Variants in ADGRL3 observed in about 807,000 individuals in gnomAD.
The protein encoded by ADGRL3 is calcium-independent alpha-latrotoxin receptor 3.
In ADGRL3, 62 loss-of-function variants were observed where a neutral mutation model predicts 153.5. The ratio of observed to expected loss-of-function variants is 0.40; its 90% CI spans 0.33 to 0.50. The LOEUF is 0.50. ADGRL3 is among the 20% of genes least tolerant of loss of function. The pLI is 0.47. For synonymous variants in ADGRL3, 710 were observed against 672.5 expected, an observed-to-expected ratio of 1.06 and a Z score of -0.86; for missense variants, 1,641 against 1,859.4, an observed-to-expected ratio of 0.88 and a Z score of 2.16.
intron 1 of ADGRL3, chr4:61,212,342 A>T (rs1740465576): frequency 6.6e-6 from 1 of 152,212 alleles, no homozygotes; most frequent in African/African-American, 2.4e-5. Context: ...TTCTGATGAG[A>T]ATATATGTTT....
intron 8 of ADGRL3, among the ~76,000 whole-genome samples, chr4:61,812,443 G>C (rs2097640403): frequency 6.6e-6 from 1 of 152,162 alleles, no homozygotes; most frequent in East Asian, 1.9e-4. Flanking sequence ...AAATGGGAAA[G>C]TTACTCCAAC....
intron 9 of ADGRL3, among the ~76,000 whole-genome samples, chr4:61,827,543 T>C (rs2097821908): frequency 6.6e-6 from 1 of 152,184 alleles, no homozygotes; most frequent in Non-Finnish European, 1.5e-5. Context: ...TTAGTTTGCA[T>C]AGAAATATTG....
chr4:61,359,110 A>G (rs2096243262), intron 1 of ADGRL3, among the ~76,000 whole-genome samples: 1 of 152,218 alleles, frequency 6.6e-6, no homozygotes, highest in Admixed American at 6.5e-5. Flanking sequence ...TATAGGATCC[A>G]TAAGCAAATC....
intron 2 of ADGRL3, among the ~76,000 whole-genome samples, chr4:61,456,446 T>G (rs1248811097): frequency 2.1e-4 from 25 of 119,332 alleles, no homozygotes; most frequent in African/African-American, 6.5e-4. Context: ...TATAGATATA[T>G]CTATATCTAT....
At chr4:61,272,964 G>T (rs1043731614) in intron 1 of ADGRL3, among the ~76,000 whole-genome samples, 2 of 152,086 alleles carry the variant, frequency 1.3e-5, no homozygotes, top group African/African-American at 4.8e-5. Flanking sequence ...GTTTGCCTCA[G>T]TCATGCTAGC....
chr4:61,874,552 G>A (rs2098463016), intron 9 of ADGRL3, among the ~76,000 whole-genome samples: 1 of 151,566 alleles, frequency 6.6e-6, no homozygotes, highest in Admixed American at 6.6e-5. Context: ...TCTAGAGCCT[G>A]TCTGCCCTAG....
chr4:61,351,318 A>C (rs1454606641), intron 1 of ADGRL3, among the ~76,000 whole-genome samples: 1 of 152,232 alleles, frequency 6.6e-6, no homozygotes, highest in Non-Finnish European at 1.5e-5. Flanking sequence ...TAAGGAAAGA[A>C]GCCATCTCCA....
intron 21 of ADGRL3, among the ~76,000 whole-genome samples, chr4:62,003,902 T>G (rs867022608): frequency 1.3e-5 from 2 of 152,142 alleles, no homozygotes; most frequent in Admixed American, 6.6e-5. Context: ...GTATCCTCAG[T>G]GAGCTTGGAC....
chr4:61,433,129 G>T (rs2097396188), intron 2 of ADGRL3, among the ~76,000 whole-genome samples: 1 of 151,854 alleles, frequency 6.6e-6, no homozygotes, highest in Admixed American at 6.6e-5. Context: ...TAATGTTATG[G>T]GCTCATTATA....
chr4:61,697,640 A>G (rs1054466696), intron 6 of ADGRL3, among the ~76,000 whole-genome samples: 1 of 152,272 alleles, frequency 6.6e-6, no homozygotes, highest in Admixed American at 6.5e-5. Context: ...AATAGGCCTC[A>G]ATAAAGCTTT....
chr4:61,242,839 A>G (rs1392069678), intron 1 of ADGRL3, among the ~76,000 whole-genome samples: 3 of 152,102 alleles, frequency 2.0e-5, no homozygotes, highest in Non-Finnish European at 2.9e-5. Flanking sequence ...TTTAATTTTA[A>G]TATTTTAACA....
rs2098503709 is a variant in ADGRL3, at chr4:61,517,456, C to G, written c.197C>G (p.Pro66Arg). The G allele has an allele frequency of 1.3e-6, 1 of 798,450 alleles. No homozygotes were observed. The highest frequency in any genetic ancestry group is 1.4e-5 in the South Asian group (1 of 69,346). 49.5% of individuals were successfully genotyped at this position (798,450 alleles called of 1,614,324 possible). The change falls in exon 4 of 27, where the codon CCC (proline) becomes CGC (arginine). Residue 66 changes from proline (P) to arginine (R), a missense_variant. Transcript: ENST00000683033. ...ACCGCTGCTCATCGTGGACAAGGGCCCCGTGGAGCTACCAGAGGAGTTCGC... is the reference window on the plus strand; with the variant it reads ...ACCGCTGCTCATCGTGGACAAGGGCGCCGTGGAGCTACCAGAGGAGTTCGC... ...ERTAAHRGQG[P>R]RGATRGVRGP...
intron 1 of ADGRL3, among the ~76,000 whole-genome samples, chr4:61,339,395 A>T (rs186324577): frequency 1.3e-5 from 2 of 152,272 alleles, no homozygotes; most frequent in East Asian, 3.9e-4. Context: ...CAATGCAGAG[A>T]TCTTAGACAT....
chr4:61,655,046 T>C lies in ADGRL3; in HGVS notation c.474-21780T>C, dbSNP rs1045117964. 1.2e-4 allele frequency among the ~76,000 whole-genome samples: 19 copies of C among 152,322 alleles called. No homozygotes were observed. In the East Asian group the frequency reaches 3.7e-3, roughly 29 times the overall value. On this transcript the variant is annotated intron_variant, in intron 5 of 26. Coordinates refer to ENST00000683033, the MANE Select transcript of ADGRL3 (RefSeq NM_001387552.1). ...TAAATGAGTTGTCTTTTCATTATTATTATTTTATGTGTGACTCTTACTATC... is the reference window on the plus strand; with the variant it reads ...TAAATGAGTTGTCTTTTCATTATTACTATTTTATGTGTGACTCTTACTATC...
intron 8 of ADGRL3, among the ~76,000 whole-genome samples, chr4:61,747,127 C>G (rs555513480): frequency 6.6e-6 from 1 of 152,080 alleles, no homozygotes; most frequent in Non-Finnish European, 1.5e-5. Flanking sequence ...ATAAATTCCT[C>G]GACACATACA....
intron 1 of ADGRL3, among the ~76,000 whole-genome samples, chr4:61,321,662 T>C (rs957785749): frequency 6.6e-6 from 1 of 151,502 alleles, no homozygotes; most frequent in Non-Finnish European, 1.5e-5. Flanking sequence ...CACTACTGAA[T>C]ACTGAAGATA....
At chr4:61,865,607 C>T (rs2149326496) in intron 9 of ADGRL3, among the ~76,000 whole-genome samples, 1 of 152,292 alleles carries the variant, frequency 6.6e-6, no homozygotes, top group East Asian at 1.9e-4. Context: ...TTCCAGATGA[C>T]AGTAAAATTT....
intron 18 of ADGRL3, among the ~76,000 whole-genome samples, chr4:61,980,643 G>A (rs2099065020): frequency 6.6e-6 from 1 of 151,998 alleles, no homozygotes; most frequent in Admixed American, 6.6e-5. Flanking sequence ...GTTTCGCCAT[G>A]TTGTTCAGGC....
chr4:61,718,329 T>G (rs1404834461), intron 6 of ADGRL3, among the ~76,000 whole-genome samples: 3 of 152,144 alleles, frequency 2.0e-5, no homozygotes, highest in African/African-American at 7.2e-5. Flanking sequence ...TAGAAAACCC[T>G]TGGATTTATT....
Sources: allele counts gnomAD v4.1 joint callset (sites outside exome capture counted in the v4.1 genomes callset), GRCh38; gene constraint gnomAD v4.1.1; transcripts MANE v1.5; gene names NCBI Gene and HGNC (gene_info 2026-07-23, HGNC 2026-07-21).